RAPGEF6: variants seen among roughly 807,000 people sequenced by gnomAD.
RAPGEF6 encodes Rap guanine nucleotide exchange factor 6.
In RAPGEF6, 56 loss-of-function variants were observed where a neutral mutation model predicts 171.4. The observed-to-expected ratio is 0.33, with a 90% CI of 0.26 to 0.41. The LOEUF is 0.41. Among genes scored for constraint, RAPGEF6 ranks in the 10% least tolerant of loss-of-function variants. The pLI is 1.00. For synonymous variants in RAPGEF6, 692 were observed against 650.1 expected, an observed-to-expected ratio of 1.06 and a Z score of -0.98; for missense variants, 1,674 against 1,921.4, an observed-to-expected ratio of 0.87 and a Z score of 2.41.
At position 131,562,071 on chromosome 5, in the gene RAPGEF6, C is replaced by T. The variant is rs1761635346; in HGVS notation, c.282-24G>A. 2.7e-6 allele frequency: 4 copies of T among 1,473,204 alleles called. No homozygotes were observed. The South Asian group carries it at 4.9e-5, about 18-fold the overall frequency. The allele number at this position is 1,473,204 out of a possible 1,614,324, so 91.3% of individuals were successfully genotyped here. A position where few individuals can be genotyped will look rare whatever the true frequency, so the allele number is the denominator to read the frequency against. On this transcript the variant is annotated intron_variant, in intron 4 of 27. Coordinates refer to ENST00000509018, the MANE Select transcript of RAPGEF6 (RefSeq NM_016340.6). ...AACTATAAAAACAGAAAAACAATTT[C>T]TTTAGCAAAGGTTATTAATAAAATA... is the stretch of plus-strand genomic sequence containing the variant.
intron 1 of RAPGEF6, among the ~76,000 whole-genome samples, chr5:131,630,734 C>G (rs773547570): frequency 2.2e-4 from 34 of 152,106 alleles, no homozygotes; most frequent in Non-Finnish European, 4.0e-4. Context: ...ATAGTTTCAC[C>G]TAAGGACGAC....
intron 4 of RAPGEF6, among the ~76,000 whole-genome samples, chr5:131,574,587 C>CT (rs986689867): frequency 6.6e-6 from 1 of 152,120 alleles, no homozygotes; most frequent in African/African-American, 2.4e-5. Flanking sequence ...TTTATGCACT[C>CT]TTTTTTAGTT....
rs775674431 is a variant in RAPGEF6 at position 131,561,938 on chromosome 5, A to C, written c.351+40T>G. ...CTACTACATTTAAAGTTAAAACTGA[A>C]GCATATCAAAAACAATTCAGCATTC... is the stretch of plus-strand genomic sequence containing the variant. On this transcript the variant is annotated intron_variant, in intron 5 of 27. Transcript: ENST00000509018. 2.8e-6 allele frequency: 4 copies of C among 1,444,092 alleles called. No individual in the cohort carries two copies. In the South Asian group the frequency reaches 4.7e-5, roughly 17 times the overall value. The allele number at this position is 1,444,092 out of a possible 1,614,324, so 89.5% of individuals were successfully genotyped here. A position where few individuals can be genotyped will look rare whatever the true frequency, so the allele number is the denominator to read the frequency against.
chr5:131,574,706 G>A (rs551140929), intron 4 of RAPGEF6, among the ~76,000 whole-genome samples: 13 of 151,786 alleles, frequency 8.6e-5, no homozygotes, highest in South Asian at 2.1e-4. Context: ...CCTTTTACCC[G>A]ATTCAAGGCC....
intron 4 of RAPGEF6, among the ~76,000 whole-genome samples, chr5:131,571,478 A>C (rs1052493974): frequency 6.6e-6 from 1 of 152,228 alleles, no homozygotes; most frequent in Non-Finnish European, 1.5e-5. Flanking sequence ...AGCAATTAGA[A>C]TAAGTGATTT....
chr5:131,570,794 G>A (rs1000007553), intron 4 of RAPGEF6, among the ~76,000 whole-genome samples: 1 of 152,040 alleles, frequency 6.6e-6, no homozygotes, highest in African/African-American at 2.4e-5. Context: ...AAGCCAAACA[G>A]TGGTTGTCTG....
rs186487955 is a variant in RAPGEF6 at position 131,593,991 on chromosome 5, A to G, written c.198-1525T>C. Among the ~76,000 whole-genome samples, 45 of 152,310 alleles carry G rather than the reference A, an allele frequency of 3.0e-4. 1 individual carries two copies. Among genetic ancestry groups the G allele is most frequent in the Admixed American group, 2.2e-3 (33 of 15,302 alleles). On this transcript the variant is annotated intron_variant, in intron 3 of 27. Coordinates refer to ENST00000509018, the MANE Select transcript of RAPGEF6 (RefSeq NM_016340.6). ...ATTCAAGCCCGCTGCAGAAATGTGC[A>G]CAAAAGGAGCCAAATGTTAATAGCC...
intron 27 of RAPGEF6, among the ~76,000 whole-genome samples, chr5:131,428,510 G>A (rs567458028): frequency 6.6e-6 from 1 of 151,786 alleles, no homozygotes; most frequent in Admixed American, 6.6e-5. Flanking sequence ...GTCCAGGCTG[G>A]AGTGCAATGG....
At chr5:131,492,551 C>G in intron 14 of RAPGEF6, 31 bp downstream of exon 14, 1 of 1,601,672 alleles carries the variant, frequency 6.2e-7, no homozygotes, top group Non-Finnish European at 8.6e-7. Context: ...TTTAAGAAGG[C>G]TTGAATATAA....
chr5:131,463,978 T>C, intron 18 of RAPGEF6, 63 bp downstream of exon 18: 1 of 1,509,426 alleles, frequency 6.6e-7, no homozygotes, highest in African/African-American at 1.4e-5. Context: ...CAATAGCTGT[T>C]TTAACAGGAA....
chr5:131,617,292 C>T (rs1765324350), intron 1 of RAPGEF6, among the ~76,000 whole-genome samples: 1 of 89,380 alleles, frequency 1.1e-5, no homozygotes, highest in African/African-American at 2.9e-5. Context: ...AAAAACAGCA[C>T]CACACACACA....
chr5:131,484,802 T>C (rs1755763396), intron 15 of RAPGEF6, among the ~76,000 whole-genome samples: 1 of 152,206 alleles, frequency 6.6e-6, no homozygotes, highest in Non-Finnish European at 1.5e-5. Context: ...TATGAACTGA[T>C]GTGAAAAAGC....
chr5:131,544,372 GA>G (rs1011136865), intron 6 of RAPGEF6, among the ~76,000 whole-genome samples: 4 of 152,070 alleles, frequency 2.6e-5, no homozygotes, highest in Admixed American at 1.3e-4. Flanking sequence ...CAAGAGAGGG[GA>G]AAAAATATAA....
intron 21 of RAPGEF6, among the ~76,000 whole-genome samples, chr5:131,449,665 T>C (rs1483250718): frequency 2.6e-5 from 4 of 152,164 alleles, no homozygotes; most frequent in African/African-American, 9.7e-5. Context: ...AAGAAAAGTA[T>C]CTCCTTTATA....
intron 4 of RAPGEF6, among the ~76,000 whole-genome samples, chr5:131,562,408 C>A (rs1761659996): frequency 6.6e-6 from 1 of 152,022 alleles, no homozygotes; most frequent in Admixed American, 6.6e-5. Context: ...AAAGTGATAA[C>A]CTGATTAGGC....
chr5:131,502,513 C>T (rs1047583852), intron 11 of RAPGEF6, among the ~76,000 whole-genome samples: 26 of 152,298 alleles, frequency 1.7e-4, no homozygotes, highest in African/African-American at 6.0e-4. Flanking sequence ...ATTGTGTGCC[C>T]TCTGAGTTTT....
rs890987006 is a variant in RAPGEF6, at chr5:131,490,632, T to C, written c.1732-978A>G. On this transcript the variant is annotated intron_variant, in intron 14 of 27. Transcript: ENST00000509018. ...CAACATTAAGTTGATGTGATAACTT[T>C]CTGTGACTTTAGTATTCTGAGGGAA... Among the ~76,000 whole-genome samples the C allele has an allele frequency of 3.9e-5, 6 of 152,334 alleles. No homozygotes were observed. The East Asian group carries it at 5.8e-4, about 15-fold the overall frequency.
intron 13 of RAPGEF6, 99 bp downstream of exon 13, chr5:131,495,454 A>G (rs1345482818): frequency 7.0e-6 from 6 of 856,722 alleles, no homozygotes; most frequent in Admixed American, 2.6e-5. Flanking sequence ...ATGGACATTT[A>G]AGACACAGGA....
intron 4 of RAPGEF6, among the ~76,000 whole-genome samples, chr5:131,587,056 T>A (rs977068351): frequency 6.6e-6 from 1 of 152,180 alleles, no homozygotes; most frequent in Non-Finnish European, 1.5e-5. Flanking sequence ...GTGGGAAGCA[T>A]ACTAGCAGAA....
Sources: allele counts gnomAD v4.1 joint callset (sites outside exome capture counted in the v4.1 genomes callset), GRCh38; gene constraint gnomAD v4.1.1; transcripts MANE v1.5; gene names NCBI Gene and HGNC (gene_info 2026-07-23, HGNC 2026-07-21).